HS6ST3: variants seen among roughly 807,000 people sequenced by gnomAD.
HS6ST3 encodes the protein heparan sulfate 6-O-sulfotransferase 3, also known as heparan-sulfate 6-O-sulfotransferase 3.
A neutral mutation model predicts 36.7 loss-of-function variants in HS6ST3; 12 were observed. The observed-to-expected ratio is 0.33, with a 90% CI of 0.21 to 0.53. The LOEUF is 0.53. Among genes scored for constraint, HS6ST3 ranks in the 20% least tolerant of loss-of-function variants. The probability of loss-of-function intolerance (pLI) is 0.95; values close to 1 mark genes in which losing one functional copy is unlikely to be tolerated. For synonymous variants in HS6ST3, 240 were observed against 257.5 expected (o/e 0.93, Z 0.65); for missense variants, 584 against 640.9 (o/e 0.91, Z 0.96).
chr13:96,695,530 T>A (rs1313367765), intron 1 of HS6ST3, among the ~76,000 whole-genome samples: 2 of 151,882 alleles, frequency 1.3e-5, no homozygotes, highest in Non-Finnish European at 2.9e-5. Context: ...ATTCCTGGGA[T>A]CAAGCAATCC....
At chr13:96,282,326 T>C (rs560434996) in intron 1 of HS6ST3, among the ~76,000 whole-genome samples, 158 of 152,196 alleles carry the variant, frequency 1.0e-3, no homozygotes, top group African/African-American at 2.6e-3. Flanking sequence ...TAGATGTGCA[T>C]TGGCAGAAGC....
intron 1 of HS6ST3, among the ~76,000 whole-genome samples, chr13:96,771,294 AT>A (rs1471570920): frequency 6.7e-6 from 1 of 149,112 alleles, no homozygotes; most frequent in Non-Finnish European, 1.5e-5. Context: ...GGGAGGAGGG[AT>A]AGCATTAGGA....
At chr13:96,668,698 T>A (rs2056672917) in intron 1 of HS6ST3, among the ~76,000 whole-genome samples, 2 of 83,412 alleles carry the variant, frequency 2.4e-5, no homozygotes, top group Admixed American at 2.7e-4. Flanking sequence ...TTTTTTTTTT[T>A]TTTTTTTTTT....
intron 1 of HS6ST3, among the ~76,000 whole-genome samples, chr13:96,440,529 G>A (rs2055665656): frequency 6.6e-6 from 1 of 151,986 alleles, no homozygotes; most frequent in Admixed American, 6.6e-5. Flanking sequence ...GAAAGGAAAA[G>A]AGGGTTTTCT....
chr13:96,803,439 C>T (rs758369129), intron 1 of HS6ST3, among the ~76,000 whole-genome samples: 8 of 152,118 alleles, frequency 5.3e-5, no homozygotes, highest in Non-Finnish European at 1.0e-4. Context: ...GCCCATATTC[C>T]TAACTTACTA....
intron 1 of HS6ST3, among the ~76,000 whole-genome samples, chr13:96,336,884 T>C (rs2055104034): frequency 6.6e-6 from 1 of 152,198 alleles, no homozygotes. Context: ...CTATTACAGG[T>C]GAGCCAAGAA....
At chr13:96,120,245 C>T (rs2139305763) in intron 1 of HS6ST3, among the ~76,000 whole-genome samples, 1 of 152,166 alleles carries the variant, frequency 6.6e-6, no homozygotes. Context: ...GGGCTGGGGC[C>T]CTGGTTTCAG....
At chr13:96,607,125 C>T (rs2056441872) in intron 1 of HS6ST3, among the ~76,000 whole-genome samples, 1 of 152,086 alleles carries the variant, frequency 6.6e-6, no homozygotes, top group Admixed American at 6.5e-5. Context: ...AGAATATTGA[C>T]TTAGAATTGT....
rs184024982 is a variant in HS6ST3, at chr13:96,323,164, G to A, written c.707+231595G>A. On this transcript the variant is annotated intron_variant, in intron 1 of 1. Coordinates refer to ENST00000376705, the MANE Select transcript of HS6ST3 (RefSeq NM_153456.4). The stretch of plus-strand genomic sequence containing the variant: ...ATCTTTCCCTCATGATTAATATATC[G>A]AATTGCATATATAGTGACACTTCTT... Among the ~76,000 whole-genome samples the A allele has an allele frequency of 5.3e-5, 8 of 152,064 alleles. No homozygotes were observed. The East Asian group carries it at 5.8e-4, about 11-fold the overall frequency.
At chr13:96,436,141 C>A (rs1328642676) in intron 1 of HS6ST3, among the ~76,000 whole-genome samples, 1 of 152,160 alleles carries the variant, frequency 6.6e-6, no homozygotes, top group East Asian at 1.9e-4. Context: ...TCACTCTGCC[C>A]TATGTTTTAC....
chr13:96,722,489 G>A (rs890994445), intron 1 of HS6ST3, among the ~76,000 whole-genome samples: 2 of 151,902 alleles, frequency 1.3e-5, no homozygotes, highest in Admixed American at 6.5e-5. Context: ...ACTTTCCCCC[G>A]GGGTCGTGAC....
intron 1 of HS6ST3, among the ~76,000 whole-genome samples, chr13:96,825,760 T>C (rs1462203159): frequency 6.6e-6 from 1 of 152,228 alleles, no homozygotes; most frequent in Non-Finnish European, 1.5e-5. Flanking sequence ...ATTCATTGAC[T>C]CATTAAATGA....
At chr13:96,820,208 T>C (rs1483164496) in intron 1 of HS6ST3, among the ~76,000 whole-genome samples, 1 of 152,196 alleles carries the variant, frequency 6.6e-6, no homozygotes, top group African/African-American at 2.4e-5. Flanking sequence ...TCAAGAAGGA[T>C]CAAATGAAAT....
chr13:96,807,553 C>A (rs1011146857), intron 1 of HS6ST3, among the ~76,000 whole-genome samples: 1 of 152,086 alleles, frequency 6.6e-6, no homozygotes, highest in African/African-American at 2.4e-5. Flanking sequence ...CGATTGCCAG[C>A]AAAATGCCAG....
chr13:96,475,447 T>C (rs1266825192), intron 1 of HS6ST3, among the ~76,000 whole-genome samples: 1 of 151,990 alleles, frequency 6.6e-6, no homozygotes, highest in Non-Finnish European at 1.5e-5. Context: ...ATAATAAATA[T>C]ATAATGTGTC....
At chr13:96,203,926 A>T (rs1032480212) in intron 1 of HS6ST3, among the ~76,000 whole-genome samples, 5 of 152,188 alleles carry the variant, frequency 3.3e-5, no homozygotes, top group Non-Finnish European at 7.3e-5. Context: ...TGGTATTCAT[A>T]TTCATATCTT....
intron 1 of HS6ST3, among the ~76,000 whole-genome samples, chr13:96,454,890 T>A (rs1276986048): frequency 6.7e-6 from 1 of 149,620 alleles, no homozygotes; most frequent in Non-Finnish European, 1.5e-5. Context: ...AAAAAAAACA[T>A]ACGCCTTTAT....
chr13:96,333,091 C>T (rs2055080685), intron 1 of HS6ST3, among the ~76,000 whole-genome samples: 1 of 152,220 alleles, frequency 6.6e-6, no homozygotes, highest in Admixed American at 6.5e-5. Flanking sequence ...TTATAAGCTA[C>T]TCAGCCTTTG....
intron 1 of HS6ST3, among the ~76,000 whole-genome samples, chr13:96,743,944 CT>C (rs1301027179): frequency 6.6e-6 from 1 of 152,072 alleles, no homozygotes; most frequent in East Asian, 1.9e-4. Flanking sequence ...CAAGCTCGTG[CT>C]TTTTTCTTTT....
Sources: allele counts gnomAD v4.1 joint callset (sites outside exome capture counted in the v4.1 genomes callset), GRCh38; gene constraint gnomAD v4.1.1; transcripts MANE v1.5; gene names NCBI Gene and HGNC (gene_info 2026-07-23, HGNC 2026-07-21).